RAB39A: variants seen among roughly 807,000 people sequenced by gnomAD.
RAB39A encodes RAB39A, member RAS oncogene family, also known as ras-related protein Rab-39A.
Under a neutral mutation model 20.9 loss-of-function variants are expected in RAB39A, and 17 were observed. That is an observed-to-expected ratio of 0.81 (90% CI 0.56 to 1.22). The LOEUF is 1.22. Among genes scored for constraint, RAB39A ranks in the 50% most tolerant of loss-of-function variants. The pLI is 0.00. For missense variants in RAB39A, 234 were observed against 270.5 expected (o/e 0.87, Z 0.95); for synonymous variants, 99 against 103.4 (o/e 0.96, Z 0.26).
At chr11:107,931,269 G>A (rs1365546887) in intron 1 of RAB39A, among the ~76,000 whole-genome samples, 4 of 152,176 alleles carry the variant, frequency 2.6e-5, no homozygotes, top group Non-Finnish European at 4.4e-5. Context: ...GTGAGCCACC[G>A]CGCCTGGCCT....
chr11:107,960,025 C>T (rs927742054), intron 1 of RAB39A, among the ~76,000 whole-genome samples: 1 of 152,178 alleles, frequency 6.6e-6, no homozygotes, highest in Non-Finnish European at 1.5e-5. Context: ...TCTTGGCCAA[C>T]ATGGTGAAAC....
chr11:107,949,160 A>G (rs916944396), intron 1 of RAB39A, among the ~76,000 whole-genome samples: 4 of 152,028 alleles, frequency 2.6e-5, no homozygotes, highest in Non-Finnish European at 5.9e-5. Flanking sequence ...ATCTCTACAA[A>G]AATTAGCTGG....
chr11:107,956,441 C>A (rs1314135158), intron 1 of RAB39A, among the ~76,000 whole-genome samples: 1 of 152,138 alleles, frequency 6.6e-6, no homozygotes, highest in Non-Finnish European at 1.5e-5. Flanking sequence ...GGACGCTATA[C>A]AAGAGTACTG....
Position 107,933,936 on chromosome 11 carries a change from G to A in RAB39A, c.227+5141G>A, listed in dbSNP as rs550782414. 2.8e-4 allele frequency among the ~76,000 whole-genome samples: 42 copies of A among 152,154 alleles called. No homozygotes were observed. In the South Asian group the frequency reaches 7.1e-3, roughly 26 times the overall value. On this transcript the variant is annotated intron_variant, in intron 1 of 1. Transcript: ENST00000320578. Reference sequence around the variant, plus strand: ...CTCCCAAAGTGCTGGGATTACAAGCGTAAGCCACCGCACCCAGCCTGTGAT... The same window carrying A: ...CTCCCAAAGTGCTGGGATTACAAGCATAAGCCACCGCACCCAGCCTGTGAT...
intron 1 of RAB39A, among the ~76,000 whole-genome samples, chr11:107,953,309 G>T (rs1861400816): frequency 6.6e-6 from 1 of 152,108 alleles, no homozygotes; most frequent in South Asian, 2.1e-4. Context: ...TATTGGTCAG[G>T]TCCTTGGTTG....
chr11:107,940,620 A>C (rs1210952023), intron 1 of RAB39A, among the ~76,000 whole-genome samples: 3 of 152,120 alleles, frequency 2.0e-5, no homozygotes, highest in South Asian at 4.1e-4. Flanking sequence ...TCTGCCTCTA[A>C]ATGTCAGTAA....
intron 1 of RAB39A, among the ~76,000 whole-genome samples, chr11:107,932,301 AG>A (rs1223803692): frequency 6.6e-6 from 1 of 152,228 alleles, no homozygotes; most frequent in Non-Finnish European, 1.5e-5. Flanking sequence ...TGTATATTAA[AG>A]AAATTTAGAA....
intron 1 of RAB39A, among the ~76,000 whole-genome samples, chr11:107,940,421 G>T (rs185884845): frequency 9.6e-4 from 146 of 151,654 alleles, no homozygotes; most frequent in African/African-American, 3.3e-3. Context: ...ACGCCACCAC[G>T]CCTGGCTAAT....
intron 1 of RAB39A, among the ~76,000 whole-genome samples, chr11:107,938,571 A>AAAT (rs1048697242): frequency 6.7e-6 from 1 of 148,786 alleles, no homozygotes; most frequent in Non-Finnish European, 1.5e-5. Context: ...CTATAAAAAA[A>AAAT]AAAAAAAAAA....
intron 1 of RAB39A, among the ~76,000 whole-genome samples, chr11:107,936,984 T>C (rs767640991): frequency 6.6e-6 from 1 of 151,512 alleles, no homozygotes; most frequent in Admixed American, 6.6e-5. Flanking sequence ...CATAATTGCA[T>C]AGGTAACAGA....
intron 1 of RAB39A, among the ~76,000 whole-genome samples, chr11:107,949,315 A>C (rs2134966524): frequency 6.6e-6 from 1 of 152,312 alleles, no homozygotes; most frequent in South Asian, 2.1e-4. Context: ...TCTAAAAAAA[A>C]ATAGAGAAAA....
At chr11:107,934,105 C>A (rs990936390) in intron 1 of RAB39A, among the ~76,000 whole-genome samples, 1 of 152,022 alleles carries the variant, frequency 6.6e-6, no homozygotes, top group Non-Finnish European at 1.5e-5. Context: ...CTAGTATTTC[C>A]CAATTTATTT....
intron 1 of RAB39A, among the ~76,000 whole-genome samples, chr11:107,930,725 G>A (rs773786126): frequency 2.4e-4 from 37 of 151,874 alleles, no homozygotes; most frequent in Non-Finnish European, 4.1e-4. Flanking sequence ...GCATGGTGGT[G>A]TGTGCCCGTA....
chr11:107,958,849 G>A (rs1356130372), intron 1 of RAB39A, among the ~76,000 whole-genome samples: 1 of 152,146 alleles, frequency 6.6e-6, no homozygotes, highest in Non-Finnish European at 1.5e-5. Flanking sequence ...GCCGGGCGCG[G>A]TGGCTCATGC....
At chr11:107,950,826 T>A (rs1200123049) in intron 1 of RAB39A, among the ~76,000 whole-genome samples, 3 of 151,118 alleles carry the variant, frequency 2.0e-5, no homozygotes, top group African/African-American at 7.3e-5. Flanking sequence ...AATCGGGTTA[T>A]AACAAAATAA....
chr11:107,945,449 C>T (rs1046061183), intron 1 of RAB39A, among the ~76,000 whole-genome samples: 2 of 151,826 alleles, frequency 1.3e-5, no homozygotes, highest in African/African-American at 2.4e-5. Flanking sequence ...ACCATAAATC[C>T]CTGAACAAGG....
intron 1 of RAB39A, among the ~76,000 whole-genome samples, chr11:107,930,951 AGAT>A (rs959226233): frequency 6.6e-6 from 1 of 152,038 alleles, no homozygotes; most frequent in African/African-American, 2.4e-5. Flanking sequence ...TCTGCTAAAT[AGAT>A]GATAGAGATG....
At position 107,962,279 on chromosome 11, in the gene RAB39A, G is replaced by T; in HGVS notation, c.561G>T (p.Gln187His). The change falls in exon 2 of 2, where the codon CAG (glutamine) becomes CAT (histidine). Residue 187 changes from glutamine (Q) to histidine (H), a missense_variant. Physicochemically the swap from Gln to His is conservative, Grantham distance 24. Coordinates refer to ENST00000320578, the MANE Select transcript of RAB39A (RefSeq NM_017516.3). ...TTAAAAAGGGAGAAATTTGTATTCA[G>T]GATGGCTGGGAAGGGGTTAAAAGTG... Reference protein sequence around the residue: ...ELIKKGEICIQDGWEGVKSGF... With the variant: ...ELIKKGEICIHDGWEGVKSGF... The T allele has an allele frequency of 5.0e-6, 8 of 1,613,804 alleles. No homozygotes were observed. Among genetic ancestry groups the T allele is most frequent in the Non-Finnish European group, 6.8e-6 (8 of 1,179,942 alleles).
At chr11:107,929,070 C>T (rs1861112227) in intron 1 of RAB39A, among the ~76,000 whole-genome samples, 1 of 152,222 alleles carries the variant, frequency 6.6e-6, no homozygotes, top group Non-Finnish European at 1.5e-5. Context: ...CTCGCCGCCC[C>T]CTCTTCCCCA....
Sources: allele counts gnomAD v4.1 joint callset (sites outside exome capture counted in the v4.1 genomes callset), GRCh38; gene constraint gnomAD v4.1.1; transcripts MANE v1.5; gene names NCBI Gene and HGNC (gene_info 2026-07-23, HGNC 2026-07-21).